The following PTPRD variants were observed in gnomAD, a reference collection of about 807,000 sequenced individuals.
The protein encoded by PTPRD is receptor-type tyrosine-protein phosphatase delta.
PTPRD carries 34 observed loss-of-function variants against 214.5 expected under a neutral mutation model. That is an observed-to-expected ratio of 0.16 (90% CI 0.12 to 0.21). The LOEUF is 0.21. Ranked by LOEUF, PTPRD falls within the 10% of genes least tolerant of loss-of-function variation. The pLI, the probability that PTPRD is intolerant of heterozygous loss-of-function variation, is 1.00. For missense variants in PTPRD, 2,545 were observed against 2,398.7 expected, an observed-to-expected ratio of 1.06 and a Z score of -1.27; for synonymous variants, 1,128 against 845.7, an observed-to-expected ratio of 1.33 and a Z score of -5.79.
intron 9 of PTPRD, among the ~76,000 whole-genome samples, chr9:9,208,352 A>C (rs1299511723): frequency 6.6e-6 from 1 of 151,952 alleles, no homozygotes; most frequent in Non-Finnish European, 1.5e-5. Context: ...TTGGAGGACA[A>C]ACCATAAATC....
At chr9:8,355,656 A>G (rs887144863) in intron 39 of PTPRD, among the ~76,000 whole-genome samples, 8 of 152,188 alleles carry the variant, frequency 5.3e-5, no homozygotes, top group African/African-American at 1.9e-4. Flanking sequence ...GCAAAATGGG[A>G]GATTCCTCTT....
At chr9:9,657,121 T>A (rs1594434706) in intron 7 of PTPRD, among the ~76,000 whole-genome samples, 1 of 152,080 alleles carries the variant, frequency 6.6e-6, no homozygotes, top group East Asian at 1.9e-4. Context: ...TTGGAAAATA[T>A]TTTTACTAAG....
At chr9:9,096,602 A>G (rs981719152) in intron 10 of PTPRD, among the ~76,000 whole-genome samples, 2 of 152,192 alleles carry the variant, frequency 1.3e-5, no homozygotes, top group Admixed American at 6.5e-5. Flanking sequence ...ATATTTTGTC[A>G]TAATTTCAAG....
chr9:9,660,841 A>T (rs990157481), intron 7 of PTPRD, among the ~76,000 whole-genome samples: 1 of 151,970 alleles, frequency 6.6e-6, no homozygotes, highest in Non-Finnish European at 1.5e-5. Flanking sequence ...GCTCCTTCTC[A>T]TTATTATAAA....
intron 10 of PTPRD, among the ~76,000 whole-genome samples, chr9:9,027,186 C>T (rs910573497): frequency 2.6e-5 from 4 of 151,600 alleles, no homozygotes; most frequent in African/African-American, 9.7e-5. Context: ...TCTGTTTTTC[C>T]AGGTGGATTT....
chr9:8,710,954 A>G lies in PTPRD; in HGVS notation c.64+22826T>C, dbSNP rs76689159. 7.3e-3 allele frequency among the ~76,000 whole-genome samples: 1,109 copies of G among 152,252 alleles called. 4 individuals carry two copies. The highest frequency in any genetic ancestry group is 0.012 in the Non-Finnish European group (836 of 68,004). On this transcript the variant is annotated intron_variant, in intron 12 of 45. Transcript: ENST00000381196. ...TATCAAAATATATTGCTTTCAAGTA[A>G]CATTTCTACTAAGTTTGGGAAATTA...
chr9:9,297,755 A>G (rs993897378), intron 9 of PTPRD, among the ~76,000 whole-genome samples: 2 of 151,724 alleles, frequency 1.3e-5, no homozygotes, highest in Non-Finnish European at 2.9e-5. Flanking sequence ...TAGAAAAAAT[A>G]TTGGAAAATT....
At chr9:9,927,646 A>G (rs2084811660) in intron 5 of PTPRD, among the ~76,000 whole-genome samples, 1 of 152,176 alleles carries the variant, frequency 6.6e-6, no homozygotes, top group East Asian at 1.9e-4. Flanking sequence ...GTATCTAAAT[A>G]CACCGTGCAT....
At chr9:10,216,204 C>T (rs528282243) in intron 3 of PTPRD, among the ~76,000 whole-genome samples, 11 of 151,750 alleles carry the variant, frequency 7.2e-5, no homozygotes, top group African/African-American at 2.4e-4. Flanking sequence ...TATTCTGATT[C>T]CTGAGGTTTT....
At chr9:8,386,874 A>G (rs535327576) in intron 37 of PTPRD, among the ~76,000 whole-genome samples, 3 of 152,342 alleles carry the variant, frequency 2.0e-5, no homozygotes, top group East Asian at 3.9e-4. Flanking sequence ...AAGACGGAAG[A>G]GCAGATGAAA....
intron 2 of PTPRD, among the ~76,000 whole-genome samples, chr9:10,508,092 C>A (rs1232363595): frequency 1.3e-5 from 2 of 152,112 alleles, no homozygotes; most frequent in South Asian, 2.1e-4. Flanking sequence ...AGAACTCAAA[C>A]AAATTTACGA....
chr9:9,888,528 GT>G (rs2071874698), intron 5 of PTPRD, among the ~76,000 whole-genome samples: 2 of 152,126 alleles, frequency 1.3e-5, no homozygotes, highest in African/African-American at 4.8e-5. Flanking sequence ...AAAGTAATGA[GT>G]GAGATCTAGC....
At chr9:10,265,654 C>T (rs1326177507) in intron 3 of PTPRD, among the ~76,000 whole-genome samples, 4 of 152,150 alleles carry the variant, frequency 2.6e-5, no homozygotes, top group Admixed American at 1.3e-4. Flanking sequence ...AATAAATGAG[C>T]AAGGCTGTGT....
At chr9:8,600,972 C>G (rs2094821720) in intron 14 of PTPRD, among the ~76,000 whole-genome samples, 1 of 152,112 alleles carries the variant, frequency 6.6e-6, no homozygotes, top group Non-Finnish European at 1.5e-5. Context: ...TCCGGGTCCC[C>G]AGCATCCTGG....
intron 16 of PTPRD, among the ~76,000 whole-genome samples, chr9:8,526,983 T>C (rs1352062447): frequency 1.3e-5 from 2 of 151,936 alleles, no homozygotes; most frequent in African/African-American, 4.8e-5. Context: ...ACAATATTTT[T>C]AAAGACATAG....
intron 6 of PTPRD, among the ~76,000 whole-genome samples, chr9:9,747,381 A>G (rs956978449): frequency 6.6e-6 from 1 of 152,184 alleles, no homozygotes; most frequent in African/African-American, 2.4e-5. Flanking sequence ...CGTGCAGCAC[A>G]GAACTTTATA....
chr9:8,425,022 C>T (rs1177130142), intron 35 of PTPRD, among the ~76,000 whole-genome samples: 3 of 152,252 alleles, frequency 2.0e-5, no homozygotes, highest in African/African-American at 7.2e-5. Flanking sequence ...ATCTACACTC[C>T]CAAAGCATGG....
At chr9:10,357,922 G>T (rs1040393191) in intron 2 of PTPRD, among the ~76,000 whole-genome samples, 1 of 152,052 alleles carries the variant, frequency 6.6e-6, no homozygotes, top group South Asian at 2.1e-4. Flanking sequence ...GCTATTCCAA[G>T]CTAAAGAAAT....
intron 11 of PTPRD, among the ~76,000 whole-genome samples, chr9:8,867,560 C>T (rs1006465338): frequency 1.3e-5 from 2 of 152,082 alleles, no homozygotes; most frequent in African/African-American, 4.8e-5. Context: ...CTTTTTAATC[C>T]TTGCACCCAC....
Sources: allele counts gnomAD v4.1 joint callset (sites outside exome capture counted in the v4.1 genomes callset), GRCh38; gene constraint gnomAD v4.1.1; transcripts MANE v1.5; gene names NCBI Gene and HGNC (gene_info 2026-07-23, HGNC 2026-07-21).